ATXN7L2: variants seen among roughly 807,000 people sequenced by gnomAD.
ATXN7L2 encodes the protein ataxin-7-like protein 2.
ATXN7L2 carries 17 observed loss-of-function variants against 59.6 expected under a neutral mutation model. The ratio of observed to expected loss-of-function variants is 0.29; its 90% CI spans 0.20 to 0.43. The LOEUF is 0.43. Among genes scored for constraint, ATXN7L2 ranks in the 20% least tolerant of loss-of-function variants. The probability of loss-of-function intolerance (pLI) is 1.00; values close to 1 mark genes in which losing one functional copy is unlikely to be tolerated. For missense variants in ATXN7L2, 858 were observed against 1,008.9 expected (o/e 0.85, Z 2.03); for synonymous variants, 378 against 392.5 (o/e 0.96, Z 0.44).
At position 109,491,432 on chromosome 1, in the gene ATXN7L2, G is replaced by T; in HGVS notation, c.1965G>T (p.Arg655=). The part of the protein sequence containing the change: ...LNGTMGPRVK[R]AGPLDCRGSP... Reference sequence around the variant, plus strand: ...GGACAATGGGGCCAAGAGTGAAGCGGGCAGGGCCCCTGGACTGTCGTGGCT... The same window carrying T: ...GGACAATGGGGCCAAGAGTGAAGCGTGCAGGGCCCCTGGACTGTCGTGGCT... The change falls in exon 10 of 11, where the codon CGG becomes CGT. Residue 655 remains arginine (R), a synonymous_variant. Coordinates refer to ENST00000683729, the MANE Select transcript of ATXN7L2 (RefSeq NM_001350175.2). This position sits in a 1 kb window ranked among gnomAD's most constrained non-coding sequence, Gnocchi z 4.1. 4.3e-6 allele frequency: 7 copies of T among 1,614,158 alleles called. No individual in the cohort carries two copies. The highest frequency in any genetic ancestry group is 5.1e-6 in the Non-Finnish European group (6 of 1,180,050).
In ATXN7L2 at chr1:109,483,999, C is replaced by A. The variant is rs768262182; in HGVS notation, c.46C>A (p.Arg16=). 3 of 1,346,980 alleles carry A rather than the reference C, an allele frequency of 2.2e-6. No homozygotes were observed. The highest frequency in any genetic ancestry group is 2.9e-6 in the Non-Finnish European group (3 of 1,038,224). 83.4% of individuals were successfully genotyped at this position (1,346,980 alleles called of 1,614,324 possible). The change falls in exon 1 of 11, where the codon CGG becomes AGG. Residue 16 remains arginine (R), a synonymous_variant. Coordinates refer to ENST00000683729, the MANE Select transcript of ATXN7L2 (RefSeq NM_001350175.2). ...RAAAAMAALE[R]RVPSLDDFAG... ...GGCGGCAGCAATGGCCGCTCTGGAG[C>A]GGCGGGTGCCGAGTCTCGATGACTT...
chr1:109,490,891 C>T (rs753929376), intron 9 of ATXN7L2, 31 bp from the exon 10 acceptor site: 2 of 1,527,898 alleles, frequency 1.3e-6, no homozygotes, highest in African/African-American at 1.4e-5. Context: ...TGTTTCTTGG[C>T]AGTCACAGTG....
rs373236674 is a variant in ATXN7L2, at chr1:109,484,065, C to G, written c.112C>G (p.Leu38Val). 2.6e-6 allele frequency: 4 copies of G among 1,516,422 alleles called. No homozygotes were observed. Among genetic ancestry groups the G allele is most frequent in the African/African-American group, 1.4e-5 (1 of 69,838 alleles). 93.9% of individuals were successfully genotyped at this position (1,516,422 alleles called of 1,614,324 possible). A position where few individuals can be genotyped will look rare whatever the true frequency, so the allele number is the denominator to read the frequency against. Residue 38 changes from leucine (L) to valine (V), a missense_variant, in exon 1 of 11, where the codon CTG (leucine) becomes GTG (valine). By Grantham distance (32) the Leu-to-Val change is conservative. Transcript: ENST00000683729. ...GAGCTCGTGGGTGGAGCGGGCCGAC[C>G]TGCCCGCGGCTGACGGTGAGTAAAG... ...SWSSWVERAD[L>V]PAADGAELEE...
At chr1:109,490,540 T>C (rs897206782) in intron 9 of ATXN7L2, 148 bp downstream of exon 9, 22 of 1,243,356 alleles carry the variant, frequency 1.8e-5, no homozygotes, top group Admixed American at 5.6e-5. Flanking sequence ...GGGAGTAGCA[T>C]GAAAAGGAGG....
Position 109,487,182 on chromosome 1 carries a change from C to T in ATXN7L2, c.474C>T (p.His158=), listed in dbSNP as rs373697288. 67 of 1,589,804 alleles carry T rather than the reference C, an allele frequency of 4.2e-5. No individual in the cohort carries two copies. The African/African-American group carries it at 8.7e-4, about 21-fold the overall frequency. The change falls in exon 4 of 11, where the codon CAC becomes CAT. Residue 158 remains histidine (H), a synonymous_variant. Coordinates refer to ENST00000683729, the MANE Select transcript of ATXN7L2 (RefSeq NM_001350175.2). ...EKGQGSRSRG[H]QPPEKTQKDN... ...GCCAGGGGTCCCGGAGCCGTGGCCA[C>T]CAGCCTCCTGAGAAGACCCAGAAGG...
At position 109,488,070 on chromosome 1, in the gene ATXN7L2, C is replaced by A. The variant is rs974514830; in HGVS notation, c.796+266C>A. ...TTCTCACCTAGATCCAGGGCGCCAG[C>A]CAGACACATCTCACAGCTGGCTTCT... On this transcript the variant is annotated intron_variant, in intron 5 of 10. Coordinates refer to ENST00000683729, the MANE Select transcript of ATXN7L2 (RefSeq NM_001350175.2). This position sits in a 1 kb window ranked among gnomAD's most constrained non-coding sequence, Gnocchi z 5.0. Among the ~76,000 whole-genome samples, 4 of 152,230 alleles carry A rather than the reference C, an allele frequency of 2.6e-5. No individual in the cohort carries two copies. Among genetic ancestry groups the A allele is most frequent in the Admixed American group, 6.5e-5 (1 of 15,292 alleles).
Position 109,489,980 on chromosome 1 carries a change from G to C in ATXN7L2, c.1184G>C (p.Gly395Ala). Residue 395 changes from glycine (G) to alanine (A), a missense_variant, in exon 8 of 11, where the codon GGT (glycine) becomes GCT (alanine). By Grantham distance (60) the Gly-to-Ala change is moderately conservative. This residue lies in a region of ATXN7L2 where 734 missense variants were observed against 862.3 expected (regional missense o/e 0.85). Transcript: ENST00000683729. ...TTGGATGATGAAGGCCCCTGTGGTG[G>C]TGATGGGGACCCAGGCCTGTTCCCC... is the stretch of plus-strand genomic sequence containing the variant. ...SELDDEGPCG[G>A]DGDPGLFPFP... is the part of the protein sequence containing the mutation. 6.2e-7 allele frequency: 1 copy of C among 1,613,826 alleles called. No homozygotes were observed. Among genetic ancestry groups the C allele is most frequent in the Non-Finnish European group, 8.5e-7 (1 of 1,179,960 alleles).
Position 109,488,885 on chromosome 1 carries a change from G to A in ATXN7L2, c.918G>A (p.Arg306=), listed in dbSNP as rs1402448458. ...SVHQRREVQG[R]AKDFDVLVAE... The stretch of plus-strand genomic sequence containing the variant: ...ACCAGCGCCGGGAAGTCCAGGGCCG[G>A]GCCAAGGACTTTGACGTGCTGGTGG... The change falls in exon 7 of 11, where the codon CGG becomes CGA. Residue 306 remains arginine (R), a synonymous_variant. Transcript: ENST00000683729. This position sits in a 1 kb window ranked among gnomAD's most constrained non-coding sequence, Gnocchi z 5.0. 1.9e-6 allele frequency: 3 copies of A among 1,614,098 alleles called. No homozygotes were observed. In the East Asian group the frequency reaches 6.7e-5, roughly 36 times the overall value.
chr1:109,489,999 G>A lies in ATXN7L2; in HGVS notation c.1203G>A (p.Leu401=). Residue 401 remains leucine, a synonymous_variant, in exon 8 of 11, where the codon CTG becomes CTA. Coordinates refer to ENST00000683729, the MANE Select transcript of ATXN7L2 (RefSeq NM_001350175.2). The part of the protein sequence containing the change: ...GPCGGDGDPG[L]FPFPMPRGGT... The stretch of plus-strand genomic sequence containing the variant: ...GTGGTGGTGATGGGGACCCAGGCCT[G>A]TTCCCCTTCCCCATGCCCCGGGGTG... 6.2e-7 allele frequency: 1 copy of A among 1,613,604 alleles called. No homozygotes were observed. Among genetic ancestry groups the A allele is most frequent in the East Asian group, 2.2e-5 (1 of 44,874 alleles).
intron 10 of ATXN7L2, chr1:109,492,149 C>G: frequency 1.9e-6 from 2 of 1,039,804 alleles, no homozygotes; most frequent in Non-Finnish European, 2.3e-6. Context: ...GCATCAGGGC[C>G]TTGAAGGGCA....
At chr1:109,484,931 C>T (rs1656468773) in intron 1 of ATXN7L2, among the ~76,000 whole-genome samples, 2 of 152,184 alleles carry the variant, frequency 1.3e-5, no homozygotes, top group South Asian at 2.1e-4. Flanking sequence ...TCCATCATTC[C>T]CCGCACTTGC....
chr1:109,485,717 C>G (rs1203266827), intron 1 of ATXN7L2: 3 of 1,025,902 alleles, frequency 2.9e-6, no homozygotes, highest in Non-Finnish European at 3.5e-6. Context: ...AATCACCCAA[C>G]TAGTTAGCAG....
intron 1 of ATXN7L2, chr1:109,485,268 G>A: frequency 2.2e-6 from 2 of 892,444 alleles, no homozygotes; most frequent in Non-Finnish European, 2.7e-6. Flanking sequence ...GGGGGGAGGA[G>A]AGAGGTAGGG....
intron 5 of ATXN7L2, 85 bp downstream of exon 5, chr1:109,487,889 G>A: frequency 6.8e-7 from 1 of 1,460,442 alleles, no homozygotes; most frequent in African/African-American, 1.4e-5. Context: ...TGAGGAGGAG[G>A]TCAGGTTTAT....
rs751765463 is a variant in ATXN7L2, at chr1:109,488,448, C to T, written c.862C>T (p.Arg288Cys). ...TCCAGAGACCAAAAAGATCTGTACC[C>T]GCCTGTTGACCTGCAAGGTAACCCC... ...INPETKKICTRLLTCKIHSVH... is the reference protein window; with the variant it reads ...INPETKKICTCLLTCKIHSVH... Residue 288 changes from arginine to cysteine, a missense_variant, in exon 6 of 11, where the codon CGC (arginine) becomes TGC (cysteine). By Grantham distance (180) the Arg-to-Cys change is radical. Transcript: ENST00000683729. This position sits in a 1 kb window ranked among gnomAD's most constrained non-coding sequence, Gnocchi z 5.0. The T allele has an allele frequency of 2.5e-6, 4 of 1,608,784 alleles. No homozygotes were observed. The highest frequency in any genetic ancestry group is 2.2e-5 in the East Asian group (1 of 44,836).
In ATXN7L2 at chr1:109,492,686, A is replaced by C; in HGVS notation, c.*86A>C. ...CCCCAGGCTGCTGCCGCTTTTTATA[A>C]CTTTATATTATTTTTTTTTAAGAAA... On this transcript the variant is annotated 3_prime_UTR_variant, in exon 11 of 11. Coordinates refer to ENST00000683729, the MANE Select transcript of ATXN7L2 (RefSeq NM_001350175.2). The C allele has an allele frequency of 4.8e-6, 7 of 1,472,026 alleles. No individual in the cohort carries two copies. The Admixed American group carries it at 8.3e-5, about 17-fold the overall frequency. The allele number at this position is 1,472,026 out of a possible 1,614,324, so 91.2% of individuals were successfully genotyped here. A position where few individuals can be genotyped will look rare whatever the true frequency, so the allele number is the denominator to read the frequency against.
At position 109,484,029 on chromosome 1, in the gene ATXN7L2, G is replaced by C. The variant is rs1250108372; in HGVS notation, c.76G>C (p.Gly26Arg). 3 of 1,482,966 alleles carry C rather than the reference G, an allele frequency of 2.0e-6. No homozygotes were observed. The highest frequency in any genetic ancestry group is 2.7e-6 in the Non-Finnish European group (3 of 1,111,742). The allele number at this position is 1,482,966 out of a possible 1,614,324, so 91.9% of individuals were successfully genotyped here. Reference protein sequence around the residue: ...RRVPSLDDFAGQSWSSWVERA... With the variant: ...RRVPSLDDFARQSWSSWVERA... ...GGTGCCGAGTCTCGATGACTTCGCG[G>C]GACAGAGCTGGAGCTCGTGGGTGGA... Residue 26 changes from glycine (G) to arginine (R), a missense_variant, in exon 1 of 11, where the codon GGA (glycine) becomes CGA (arginine). Around this residue, in one of 3 missense-constraint regions of ATXN7L2, gnomAD observed 95 missense variants for 82.6 expected, o/e 1.15. Coordinates refer to ENST00000683729, the MANE Select transcript of ATXN7L2 (RefSeq NM_001350175.2).
chr1:109,485,547 G>T, intron 1 of ATXN7L2: 1 of 985,562 alleles, frequency 1.0e-6, no homozygotes. Context: ...CATGGGGGTG[G>T]GGACCTGGGA....
rs745399495 is a variant in ATXN7L2, at chr1:109,490,958, T to A, written c.1491T>A (p.Leu497=). The A allele has an allele frequency of 3.2e-6, 5 of 1,579,156 alleles. No homozygotes were observed. Among genetic ancestry groups the A allele is most frequent in the Non-Finnish European group, 4.3e-6 (5 of 1,160,728 alleles). The part of the protein sequence containing the change: ...IPPAAEPPAH[L]VNSPLSAPLS... The stretch of plus-strand genomic sequence containing the variant: ...CGGCAGCTGAACCTCCAGCTCACCT[T>A]GTCAACTCCCCGTTATCTGCTCCCC... Residue 497 remains leucine, a synonymous_variant, in exon 10 of 11, where the codon CTT becomes CTA. Transcript: ENST00000683729.
Sources: gnomAD v4.1 joint callset for allele counts (sites outside exome capture counted in the v4.1 genomes callset) on GRCh38, gnomAD v4.1.1 for gene constraint, gnomAD v4.1.1 regional missense constraint, Gnocchi (gnomAD v3.1) non-coding constraint, MANE v1.5 for transcripts, NCBI Gene and HGNC (gene_info 2026-07-23, HGNC 2026-07-21) for gene names.